Variants in PKP2 observed in about 807,000 individuals in gnomAD.
PKP2 encodes the protein plakophilin-2.
PKP2 carries 73 observed loss-of-function variants against 83.4 expected under a neutral mutation model. That is an observed-to-expected ratio of 0.88 (90% CI 0.72 to 1.06). The LOEUF (loss-of-function observed/expected upper bound fraction) is 1.06. PKP2 is among the 50% of genes least tolerant of loss of function. The probability of loss-of-function intolerance (pLI) is 0.00; values close to 1 mark genes in which losing one functional copy is unlikely to be tolerated. For missense variants in PKP2, 966 were observed against 1,065.4 expected, an observed-to-expected ratio of 0.91 and a Z score of 1.30; for synonymous variants, 409 against 430.4, an observed-to-expected ratio of 0.95 and a Z score of 0.62.
At chr12:32,879,106 G>T in intron 1 of PKP2, 74 bp from the exon 2 acceptor site, 1 of 832,600 alleles carries the variant, frequency 1.2e-6, no homozygotes, top group Non-Finnish European at 2.1e-6. Flanking sequence ...GTATAACAAT[G>T]ATGTATTAAA....
intron 7 of PKP2, 83 bp from the exon 8 acceptor site, chr12:32,822,714 C>G (rs1295727501): frequency 2.7e-6 from 4 of 1,481,482 alleles, no homozygotes; most frequent in Admixed American, 1.7e-5. Context: ...GGCTTTAGCT[C>G]TTACAAGGTT....
At chr12:32,808,240 C>CAATGT (rs1956244310) in intron 9 of PKP2, among the ~76,000 whole-genome samples, 1 of 152,034 alleles carries the variant, frequency 6.6e-6, no homozygotes, top group African/African-American at 2.4e-5. Context: ...TCTTTTTTCT[C>CAATGT]TATTCTTGTC....
chr12:32,890,923 G>A (rs370294402), intron 1 of PKP2, among the ~76,000 whole-genome samples: 7 of 145,350 alleles, frequency 4.8e-5, no homozygotes, highest in Middle Eastern at 7.4e-3. Context: ...TCGTACCACC[G>A]CACTCCAGCC....
At chr12:32,875,230 TA>T (rs1283016872) in intron 3 of PKP2, among the ~76,000 whole-genome samples, 1 of 152,172 alleles carries the variant, frequency 6.6e-6, no homozygotes, top group Admixed American at 6.5e-5. Flanking sequence ...CTGGGGCACC[TA>T]AGCTAGACTG....
chr12:32,799,633 G>T (rs183640030), intron 10 of PKP2, among the ~76,000 whole-genome samples: 1 of 152,288 alleles, frequency 6.6e-6, no homozygotes, highest in Admixed American at 6.5e-5. Context: ...GGCCTTTGCG[G>T]CAAATTGGAT....
At chr12:32,833,981 C>T (rs1956523325) in intron 6 of PKP2, among the ~76,000 whole-genome samples, 1 of 152,058 alleles carries the variant, frequency 6.6e-6, no homozygotes, top group Non-Finnish European at 1.5e-5. Context: ...AATATGACTA[C>T]AGTATTTAAG....
chr12:32,792,198 C>A lies in PKP2; in HGVS notation c.*226G>T. The A allele has an allele frequency of 1.7e-6, 1 of 577,970 alleles. No homozygotes were observed. Among genetic ancestry groups the A allele is most frequent in the Non-Finnish European group, 3.1e-6 (1 of 323,416 alleles). The allele number at this position is 577,970 out of a possible 1,614,324, so 35.8% of individuals were successfully genotyped here. A position where few individuals can be genotyped will look rare whatever the true frequency, so the allele number is the denominator to read the frequency against. On this transcript the variant is annotated 3_prime_UTR_variant, in exon 13 of 13. Transcript: ENST00000340811. ...GTACCATAAGCCCTAATAACAAAGA[C>A]CACTATTTGTCGAGCCTGTGGCCGG...
chr12:32,838,755 T>C (rs1435198394), intron 6 of PKP2, among the ~76,000 whole-genome samples: 2 of 152,244 alleles, frequency 1.3e-5, no homozygotes, highest in Non-Finnish European at 2.9e-5. Flanking sequence ...TTAGCTTTTA[T>C]GGCAAAATCT....
rs1310579703 is a variant in PKP2 at position 32,802,501 on chromosome 12, G to A, written c.2069C>T (p.Thr690Ile). 6.2e-7 allele frequency: 1 copy of A among 1,613,478 alleles called. No individual in the cohort carries two copies. The highest frequency in any genetic ancestry group is 1.1e-5 in the South Asian group (1 of 91,076). ...VVQKESGLQH[T>I]RKMLHVGDPS... ...GTCACCAACATGCAGCATCTTTCGG[G>A]TGTGCTGCAGGCCACTTTCCTTCTG... Residue 690 changes from threonine (T) to isoleucine (I), a missense_variant, in exon 10 of 13, where the codon ACC (threonine) becomes ATC (isoleucine). Physicochemically the swap from Thr to Ile is moderately conservative, Grantham distance 89 (BLOSUM62 -1). Transcript: ENST00000340811.
intron 4 of PKP2, among the ~76,000 whole-genome samples, chr12:32,851,349 TA>T (rs1285233485): frequency 6.6e-6 from 1 of 152,172 alleles, no homozygotes; most frequent in Non-Finnish European, 1.5e-5. Flanking sequence ...AATCCAAAAT[TA>T]CGTAAGTTTT....
intron 10 of PKP2, among the ~76,000 whole-genome samples, chr12:32,797,932 G>A (rs1392822945): frequency 6.6e-6 from 1 of 152,000 alleles, no homozygotes; most frequent in Non-Finnish European, 1.5e-5. Context: ...CGAGACAGGA[G>A]GATCACTTGA....
At chr12:32,853,548 T>C (rs7975559) in intron 4 of PKP2, among the ~76,000 whole-genome samples, 43,457 of 149,260 alleles carry the variant, frequency 0.29, 7,267 homozygotes, top group African/African-American at 0.47. Context: ...GCTCTGTCGC[T>C]CAGGTTGGAG....
In PKP2 at chr12:32,879,574, A is replaced by C. The variant is rs542761658; in HGVS notation, c.224-542T>G. Reference sequence around the variant, plus strand: ...CTGGGCACGGTGGCTTACACCTGTAATCCCAGAACTTTGAGAGGCAGAGGT... The same window carrying C: ...CTGGGCACGGTGGCTTACACCTGTACTCCCAGAACTTTGAGAGGCAGAGGT... On this transcript the variant is annotated intron_variant, in intron 1 of 12. Transcript: ENST00000340811. Among the ~76,000 whole-genome samples, 51 of 152,076 alleles carry C rather than the reference A, an allele frequency of 3.4e-4. No individual in the cohort carries two copies. The South Asian group carries it at 0.011, about 32-fold the overall frequency.
intron 6 of PKP2, among the ~76,000 whole-genome samples, chr12:32,831,315 A>G (rs1413938550): frequency 6.6e-6 from 1 of 152,162 alleles, no homozygotes; most frequent in Non-Finnish European, 1.5e-5. Context: ...CAGCCCACTC[A>G]CTTTTTATAA....
chr12:32,852,323 ATTTTC>A (rs1320950390), intron 4 of PKP2, among the ~76,000 whole-genome samples: 7 of 152,126 alleles, frequency 4.6e-5, no homozygotes, highest in Non-Finnish European at 1.0e-4. Context: ...AGATTTGCAT[ATTTTC>A]TATGTACCAA....
chr12:32,870,612 A>G (rs1352309915), intron 3 of PKP2, among the ~76,000 whole-genome samples: 4 of 152,250 alleles, frequency 2.6e-5, no homozygotes, highest in Admixed American at 2.6e-4. Flanking sequence ...ACACCTTTTA[A>G]AGGAGATGGG....
At chr12:32,840,160 G>A (rs1956576905) in intron 6 of PKP2, among the ~76,000 whole-genome samples, 1 of 152,218 alleles carries the variant, frequency 6.6e-6, no homozygotes, top group Non-Finnish European at 1.5e-5. Flanking sequence ...TGGGACCTGA[G>A]AATTCTAACA....
At chr12:32,841,911 C>T (rs1296834133) in intron 5 of PKP2, among the ~76,000 whole-genome samples, 2 of 152,234 alleles carry the variant, frequency 1.3e-5, no homozygotes, top group Admixed American at 1.3e-4. Flanking sequence ...GGCCAACTTG[C>T]ATGGCCTAAG....
At chr12:32,858,210 C>A (rs1177478233) in intron 4 of PKP2, among the ~76,000 whole-genome samples, 1 of 143,490 alleles carries the variant, frequency 7.0e-6, no homozygotes, top group African/African-American at 2.6e-5. Context: ...TGGGAGGCTC[C>A]GGTGGGAGGA....
Sources: allele counts gnomAD v4.1 joint callset (sites outside exome capture counted in the v4.1 genomes callset), GRCh38; gene constraint gnomAD v4.1.1; transcripts MANE v1.5; gene names NCBI Gene and HGNC (gene_info 2026-07-23, HGNC 2026-07-21).